Variants in SNX14 observed in about 807,000 individuals in gnomAD.
SNX14 encodes the protein sorting nexin 14, also known as sorting nexin-14.
Under a neutral mutation model 133.8 loss-of-function variants are expected in SNX14, and 93 were observed. That is an observed-to-expected ratio of 0.70 (90% CI 0.59 to 0.83). The LOEUF (loss-of-function observed/expected upper bound fraction) is 0.83, where lower values mean the gene tolerates loss of function less well. SNX14 is among the 40% of genes least tolerant of loss of function. The pLI, the probability that SNX14 is intolerant of heterozygous loss-of-function variation, is 0.00. For synonymous variants in SNX14, 368 were observed against 365.6 expected, an observed-to-expected ratio of 1.01 and a Z score of -0.07; for missense variants, 945 against 1,094.9, an observed-to-expected ratio of 0.86 and a Z score of 1.93.
rs187691967 is a variant in SNX14 at position 85,510,378 on chromosome 6, A to G, written c.2654-2319T>C. The stretch of plus-strand genomic sequence containing the variant: ...TTTAAATGTGCATTTCCTTGATGAC[A>G]TATGATGTAGAACATCTTTTCATAT... On this transcript the variant is annotated intron_variant, in intron 26 of 28. Transcript: ENST00000314673. Among the ~76,000 whole-genome samples the G allele has an allele frequency of 1.1e-3, 164 of 152,344 alleles. 4 individuals carry two copies. Among genetic ancestry groups the G allele is most frequent in the Admixed American group, 8.8e-3 (135 of 15,306 alleles).
At chr6:85,509,336 T>TA (rs11381633) in intron 26 of SNX14, among the ~76,000 whole-genome samples, 21,365 of 151,624 alleles carry the variant, frequency 0.14, 1,794 homozygotes, top group African/African-American at 0.24. Flanking sequence ...AGAAAACAGG[T>TA]AAAAAAAAAT....
At chr6:85,539,095 C>T (rs950833150) in intron 15 of SNX14, among the ~76,000 whole-genome samples, 2 of 152,030 alleles carry the variant, frequency 1.3e-5, no homozygotes, top group Admixed American at 6.6e-5. Context: ...TTACTAAAAA[C>T]GGTTCTTAAA....
chr6:85,521,391 T>A (rs937684860), intron 21 of SNX14, among the ~76,000 whole-genome samples: 2 of 152,106 alleles, frequency 1.3e-5, no homozygotes, highest in Non-Finnish European at 2.9e-5. Context: ...CACACCACCA[T>A]ACCCAGCTAC....
intron 22 of SNX14, 58 bp downstream of exon 22, chr6:85,517,950 A>C (rs1346488592): frequency 1.4e-5 from 22 of 1,572,820 alleles, no homozygotes; most frequent in Non-Finnish European, 1.9e-5. Flanking sequence ...AAATTTATCA[A>C]TATTTAAATA....
intron 7 of SNX14, among the ~76,000 whole-genome samples, chr6:85,557,450 G>T (rs563281687): frequency 6.6e-6 from 1 of 152,238 alleles, no homozygotes; most frequent in South Asian, 2.1e-4. Flanking sequence ...AAAAAGGACA[G>T]AACATACATG....
chr6:85,568,988 G>A (rs1369507545), intron 4 of SNX14, among the ~76,000 whole-genome samples: 2 of 149,078 alleles, frequency 1.3e-5, no homozygotes, highest in South Asian at 2.1e-4. Flanking sequence ...TTTTTGAGGC[G>A]GAGTTTCACT....
chr6:85,561,803 T>A (rs1439186728), intron 6 of SNX14, among the ~76,000 whole-genome samples: 1 of 152,054 alleles, frequency 6.6e-6, no homozygotes, highest in Non-Finnish European at 1.5e-5. Flanking sequence ...TTCCAGCCTG[T>A]TCATTTGCCT....
At chr6:85,539,497 AAAT>A (rs1782948564) in intron 15 of SNX14, among the ~76,000 whole-genome samples, 1 of 152,208 alleles carries the variant, frequency 6.6e-6, no homozygotes. Context: ...AGAACATGAT[AAAT>A]AATATGCATT....
chr6:85,526,437 C>T (rs557567943), intron 20 of SNX14, among the ~76,000 whole-genome samples, 200 bp from the exon 21 acceptor site: 3 of 152,210 alleles, frequency 2.0e-5, no homozygotes, highest in South Asian at 2.1e-4. Context: ...TGAATGGGTT[C>T]GAATCCTGGC....
chr6:85,527,985 T>C lies in SNX14; in HGVS notation c.1995+277A>G, dbSNP rs555524347. Among the ~76,000 whole-genome samples, 13 of 152,112 alleles carry C rather than the reference T, an allele frequency of 8.5e-5. No homozygotes were observed. The South Asian group carries it at 1.7e-3, about 19-fold the overall frequency. Reference sequence around the variant, plus strand: ...AATCTTTTACACCAAGTTCCTTTTTTTAATGTCCTATACAAAGTTGTAACT... The same window carrying C: ...AATCTTTTACACCAAGTTCCTTTTTCTAATGTCCTATACAAAGTTGTAACT... On this transcript the variant is annotated intron_variant, in intron 20 of 28. Transcript: ENST00000314673.
At chr6:85,510,512 G>A (rs1362378565) in intron 26 of SNX14, among the ~76,000 whole-genome samples, 1 of 152,094 alleles carries the variant, frequency 6.6e-6, no homozygotes, top group Non-Finnish European at 1.5e-5. Context: ...TACATTTTTG[G>A]TAACAGTCCT....
intron 18 of SNX14, among the ~76,000 whole-genome samples, chr6:85,530,575 G>A (rs1382528523): frequency 6.6e-6 from 1 of 151,210 alleles, no homozygotes; most frequent in African/African-American, 2.4e-5. Flanking sequence ...AACCCAAGAG[G>A]CAGAGGTTGC....
intron 1 of SNX14, chr6:85,581,736 G>C (rs1799125116): frequency 6.6e-6 from 1 of 152,168 alleles, no homozygotes; most frequent in Non-Finnish European, 1.5e-5. Context: ...TCTCTTAATA[G>C]TAGAAGTGAT....
intron 1 of SNX14, 62 bp from the exon 2 acceptor site, chr6:85,574,440 T>A: frequency 8.1e-7 from 1 of 1,236,730 alleles, no homozygotes; most frequent in Non-Finnish European, 1.1e-6. Context: ...AAGTTACCGC[T>A]TCACTGACTT....
intron 23 of SNX14, among the ~76,000 whole-genome samples, chr6:85,516,958 G>T (rs1266092551): frequency 6.6e-6 from 1 of 151,870 alleles, no homozygotes; most frequent in Non-Finnish European, 1.5e-5. Context: ...TCTTATAAAG[G>T]TTATCTATTA....
At chr6:85,568,367 A>T (rs1461350873) in intron 4 of SNX14, 1 of 152,206 alleles carries the variant, frequency 6.6e-6, no homozygotes, top group East Asian at 1.9e-4. Context: ...TTACCTCTGA[A>T]GGGAGTATAG....
intron 6 of SNX14, 53 bp downstream of exon 6, chr6:85,565,279 T>G: frequency 4.3e-6 from 5 of 1,175,718 alleles, no homozygotes; most frequent in Non-Finnish European, 6.1e-6. Flanking sequence ...TTAAATCTCT[T>G]TCATTAAATG....
At chr6:85,514,293 T>G in intron 24 of SNX14, 59 bp from the exon 25 acceptor site, 2 of 1,549,816 alleles carry the variant, frequency 1.3e-6, no homozygotes, top group South Asian at 2.5e-5. Flanking sequence ...TTTTTGAAAT[T>G]TGCCAATGTA....
chr6:85,551,466 G>A (rs1476455364), intron 7 of SNX14, among the ~76,000 whole-genome samples: 1 of 152,202 alleles, frequency 6.6e-6, no homozygotes, highest in Non-Finnish European at 1.5e-5. Flanking sequence ...AAGCTCACCT[G>A]TCCCAGCCAA....
Sources: gnomAD v4.1 joint callset for allele counts (sites outside exome capture counted in the v4.1 genomes callset) on GRCh38, gnomAD v4.1.1 for gene constraint, MANE v1.5 for transcripts, NCBI Gene and HGNC (gene_info 2026-07-23, HGNC 2026-07-21) for gene names.